Variants in RAB36 observed in about 807,000 individuals in gnomAD.
RAB36 encodes ras-related protein Rab-36.
A neutral mutation model predicts 39.3 loss-of-function variants in RAB36; 33 were observed. The ratio of observed to expected loss-of-function variants is 0.84; its 90% CI spans 0.64 to 1.12. The LOEUF (loss-of-function observed/expected upper bound fraction) is 1.12. Ranked by LOEUF, RAB36 falls within the 50% of genes most tolerant of loss-of-function variation. The pLI is 0.00. For synonymous variants in RAB36, 133 were observed against 140.2 expected, an observed-to-expected ratio of 0.95 and a Z score of 0.36; for missense variants, 308 against 355.3, an observed-to-expected ratio of 0.87 and a Z score of 1.07.
downstream of RAB36, among the ~76,000 whole-genome samples, chr22:23,166,146 T>TA (rs1164070577): frequency 6.1e-5 from 5 of 82,166 alleles, no homozygotes; most frequent in East Asian, 1.3e-3. Flanking sequence ...ACTCTGTCTT[T>TA]TAAAAAAAAA....
In RAB36 at chr22:23,163,606, G is replaced by GC. The variant is rs71744650; in HGVS notation, c.*2052dup. The GC allele has an allele frequency of 0.12, 15,556 of 125,306 alleles. 1,758 individuals are homozygous for GC. The highest frequency in any genetic ancestry group is 0.16 in the Non-Finnish European group (9,185 of 55,780). 7.8% of individuals were successfully genotyped at this position (125,306 alleles called of 1,614,324 possible). ...AAAGCATATAAAATACAAGGTGAAA[G>GC]CCCCCCCCCCGCCACATTAGCTGCG... On this transcript the variant is annotated 3_prime_UTR_variant, in exon 11 of 11. Transcript: ENST00000263116.
chr22:23,152,475 A>C lies in RAB36; in HGVS notation c.176A>C (p.Lys59Thr). 1 of 1,614,174 alleles carries C rather than the reference A, an allele frequency of 6.2e-7. No homozygotes were observed. Among genetic ancestry groups the C allele is most frequent in the South Asian group, 1.1e-5 (1 of 91,088 alleles). The change falls in exon 4 of 11, where the codon AAG (lysine) becomes ACG (threonine). Residue 59 changes from lysine (K) to threonine (T), a missense_variant. By Grantham distance (78) the Lys-to-Thr change is moderately conservative. Transcript: ENST00000263116. ...ATTTCTCACAGGCTCAAACTCTCCA[A>C]GGTGGTGGTGGTTGGCGATCTCTAC... ...NTGTVGLKLS[K>T]VVVVGDLYVG...
chr22:23,161,855 TCAGA>T lies in RAB36; in HGVS notation c.*295_*298del. On this transcript the variant is annotated 3_prime_UTR_variant, in exon 11 of 11. Coordinates refer to ENST00000263116, the MANE Select transcript of RAB36 (RefSeq NM_004914.5). ...AAAGGCCAGTCCATTTGCAGGGTCA[TCAGA>T]CAGTCACCTTTGGCCTCAAGAGGCC... 2 of 421,328 alleles carry T rather than the reference TCAGA, an allele frequency of 4.7e-6. No homozygotes were observed. Among genetic ancestry groups the T allele is most frequent in the Non-Finnish European group, 8.7e-6 (2 of 229,994 alleles). The allele number at this position is 421,328 out of a possible 1,614,324, so 26.1% of individuals were successfully genotyped here. A position where few individuals can be genotyped will look rare whatever the true frequency, so the allele number is the denominator to read the frequency against.
intron 1 of RAB36, 38 bp downstream of exon 1, chr22:23,145,589 C>A: frequency 6.4e-7 from 1 of 1,573,602 alleles, no homozygotes; most frequent in Non-Finnish European, 8.6e-7. Context: ...CCCTCCCGGT[C>A]ACCCAACCCC....
At chr22:23,148,635 G>C (rs1173614192) in intron 2 of RAB36, among the ~76,000 whole-genome samples, 1 of 152,218 alleles carries the variant, frequency 6.6e-6, no homozygotes, top group Non-Finnish European at 1.5e-5. Context: ...CCAGGGCCCT[G>C]AGAAATTCAG....
rs2071786277 is a variant in RAB36, at chr22:23,161,385, A to G, written c.740-115A>G. On this transcript the variant is annotated intron_variant, in intron 10 of 10. Coordinates refer to ENST00000263116, the MANE Select transcript of RAB36 (RefSeq NM_004914.5). ...TTGTGTCAGGCCATTCAGGCCTTGA[A>G]CAGCAGGCCCAGAAGCTTCAGCTCA... The G allele has an allele frequency of 3.1e-6, 3 of 981,902 alleles. No individual in the cohort carries two copies. In the East Asian group the frequency reaches 7.8e-5, roughly 26 times the overall value. The allele number at this position is 981,902 out of a possible 1,614,324, so 60.8% of individuals were successfully genotyped here.
intron 3 of RAB36, 117 bp from the exon 4 acceptor site, chr22:23,152,344 G>A: frequency 3.8e-6 from 4 of 1,041,028 alleles, no homozygotes; most frequent in Non-Finnish European, 6.0e-6. Flanking sequence ...GGCCCATCCT[G>A]TGTCCAGGAG....
At position 23,146,662 on chromosome 22, in the gene RAB36, C is replaced by T. The variant is rs148744836; in HGVS notation, c.46C>T (p.Arg16Cys). The change falls in exon 2 of 11, where the codon CGT becomes TGT. Residue 16 changes from arginine (R) to cysteine (C), a missense_variant. Transcript: ENST00000263116. ...TPLGPPVSRD[R>C]VIASFPKWYT... is the part of the protein sequence containing the mutation. ...TTTGGGGCCCCCTGTGAGCCGCGAC[C>T]GTGTCATCGCCAGCTTCCCTAAGGT... 15 of 1,613,862 alleles carry T rather than the reference C, an allele frequency of 9.3e-6. No individual in the cohort carries two copies. The Admixed American group carries it at 1.7e-4, about 18-fold the overall frequency.
chr22:23,160,887 G>A lies in RAB36; in HGVS notation c.628G>A (p.Val210Met), dbSNP rs376916347. Residue 210 changes from valine to methionine, a missense_variant, in exon 10 of 11, where the codon GTG becomes ATG. By Grantham distance (21) the Val-to-Met change is conservative (BLOSUM62 1). Coordinates refer to ENST00000263116, the MANE Select transcript of RAB36 (RefSeq NM_004914.5). ...GTCTTGTGGGCCCACAGGCGAGAAC[G>A]TGAAGGCATTCTTCAGCCGCGTAGC... is the stretch of plus-strand genomic sequence containing the variant. ...WSVSAKTGEN[V>M]KAFFSRVAAL... The A allele has an allele frequency of 2.0e-5, 32 of 1,613,488 alleles. No individual in the cohort carries two copies. In the East Asian group the frequency reaches 5.1e-4, roughly 26 times the overall value.
intron 5 of RAB36, among the ~76,000 whole-genome samples, chr22:23,155,469 G>A (rs952361031): frequency 2.0e-5 from 3 of 152,210 alleles, no homozygotes; most frequent in Non-Finnish European, 4.4e-5. Flanking sequence ...TATTGCTCCA[G>A]TGTTAGGTAT....
chr22:23,151,947 G>C (rs2071162233), intron 3 of RAB36, among the ~76,000 whole-genome samples: 1 of 152,224 alleles, frequency 6.6e-6, no homozygotes, highest in South Asian at 2.1e-4. Flanking sequence ...GGGCACGGTG[G>C]TGTCATGGTC....
In RAB36 at chr22:23,161,009, G is replaced by A. The variant is rs1485972833; in HGVS notation, c.739+11G>A. 1.3e-6 allele frequency: 2 copies of A among 1,594,488 alleles called. No individual in the cohort carries two copies. The highest frequency in any genetic ancestry group is 1.7e-4 in the Middle Eastern group (1 of 6,018). On this transcript the variant is annotated intron_variant, in intron 10 of 10. Coordinates refer to ENST00000263116, the MANE Select transcript of RAB36 (RefSeq NM_004914.5). ...ATGGAGACCTAATCCGTGAGTATAG[G>A]TGTGACTGGGTTGGGCTGGGGAGTA...
At chr22:23,153,157 G>A (rs2071257782) in intron 5 of RAB36, 23 bp downstream of exon 5, 1 of 1,582,908 alleles carries the variant, frequency 6.3e-7, no homozygotes, top group Admixed American at 1.7e-5. Flanking sequence ...TTCCCCCATG[G>A]CTCGTGGGCA....
Position 23,161,644 on chromosome 22 carries a change from C to T in RAB36, c.*80C>T, listed in dbSNP as rs775573716. 38 of 1,259,106 alleles carry T rather than the reference C, an allele frequency of 3.0e-5. 1 individual carries two copies. The South Asian group carries it at 4.4e-4, about 15-fold the overall frequency. 78.0% of individuals were successfully genotyped at this position (1,259,106 alleles called of 1,614,324 possible). On this transcript the variant is annotated 3_prime_UTR_variant, in exon 11 of 11. Transcript: ENST00000263116. ...CGTGACTGTGGTGTGGAGACTGGAGCCCAAGCTCTGCAGCGTGTCGCCCTC... is the reference window on the plus strand; with the variant it reads ...CGTGACTGTGGTGTGGAGACTGGAGTCCAAGCTCTGCAGCGTGTCGCCCTC...
chr22:23,149,472 G>A (rs1462738632), intron 2 of RAB36, among the ~76,000 whole-genome samples: 2 of 152,140 alleles, frequency 1.3e-5, no homozygotes, highest in African/African-American at 2.4e-5. Context: ...ACAGCAGAAA[G>A]CGCCTCCTAG....
chr22:23,147,616 G>C (rs931952375), intron 2 of RAB36, among the ~76,000 whole-genome samples: 3 of 152,172 alleles, frequency 2.0e-5, no homozygotes, highest in African/African-American at 7.2e-5. Flanking sequence ...TATAGGTGTG[G>C]ACCACCACAA....
chr22:23,164,498 A>G lies in RAB36; in HGVS notation c.*2934A>G, dbSNP rs1428433334. The G allele has an allele frequency of 6.6e-6, 1 of 152,012 alleles. No homozygotes were observed. Among genetic ancestry groups the G allele is most frequent in the African/African-American group, 2.4e-5 (1 of 41,384 alleles). 9.4% of individuals were successfully genotyped at this position (152,012 alleles called of 1,614,324 possible). Reference sequence around the variant, plus strand: ...TCCCCCCACCCCAAGTTGATGCAGCATCTTCTCGGTCAGAATTGCTTCAGG... The same window carrying G: ...TCCCCCCACCCCAAGTTGATGCAGCGTCTTCTCGGTCAGAATTGCTTCAGG... On this transcript the variant is annotated 3_prime_UTR_variant, in exon 11 of 11. Coordinates refer to ENST00000263116, the MANE Select transcript of RAB36 (RefSeq NM_004914.5).
chr22:23,155,346 G>A (rs2071394674), intron 5 of RAB36, among the ~76,000 whole-genome samples: 1 of 152,210 alleles, frequency 6.6e-6, no homozygotes, highest in Non-Finnish European at 1.5e-5. Flanking sequence ...CTGTGCCCAT[G>A]GCAGACATCA....
At chr22:23,166,659 C>T (rs145470046), downstream of RAB36, among the ~76,000 whole-genome samples, 2,237 of 152,278 alleles carry the variant, frequency 0.015, 29 homozygotes, top group Non-Finnish European at 0.023. Context: ...CAGCACCAGC[C>T]TACTAAGTAA....
Sources: gnomAD v4.1 joint callset for allele counts (sites outside exome capture counted in the v4.1 genomes callset) on GRCh38, gnomAD v4.1.1 for gene constraint, MANE v1.5 for transcripts, NCBI Gene and HGNC (gene_info 2026-07-23, HGNC 2026-07-21) for gene names.